Variants in HEXB observed in about 807,000 individuals in gnomAD.
HEXB encodes the protein hexosaminidase subunit beta.
HEXB carries 51 observed loss-of-function variants against 71.2 expected under a neutral mutation model. The observed-to-expected ratio is 0.72, with a 90% CI of 0.57 to 0.90. The LOEUF is 0.90. HEXB is among the 40% of genes least tolerant of loss of function. The pLI, the probability that HEXB is intolerant of heterozygous loss-of-function variation, is 0.00. For missense variants in HEXB, 617 were observed against 677.0 expected, an observed-to-expected ratio of 0.91 and a Z score of 0.98; for synonymous variants, 266 against 249.3, an observed-to-expected ratio of 1.07 and a Z score of -0.63.
chr5:74,663,451 A>G (rs1207052652), intron 1 of HEXB, among the ~76,000 whole-genome samples: 1 of 152,148 alleles, frequency 6.6e-6, no homozygotes, highest in African/African-American at 2.4e-5. Context: ...TCGGCCTCCC[A>G]AAGTGTTGGG....
At chr5:74,720,129 C>T in intron 11 of HEXB, 1 of 375,484 alleles carries the variant, frequency 2.7e-6, no homozygotes, top group South Asian at 2.9e-5. Flanking sequence ...GGTAAGTTTG[C>T]ATAAAACCAA....
intron 1 of HEXB, among the ~76,000 whole-genome samples, chr5:74,686,682 C>T (rs80049194): frequency 0.023 from 3,466 of 152,246 alleles, 138 homozygotes; most frequent in African/African-American, 0.079. Context: ...TATTATCAGT[C>T]TCTATTTTAG....
intron 3 of HEXB, among the ~76,000 whole-genome samples, chr5:74,694,163 AAAATAC>A (rs1749061276): frequency 6.6e-6 from 1 of 152,220 alleles, no homozygotes; most frequent in East Asian, 1.9e-4. Context: ...CTGTCTCAAA[AAAATAC>A]AAATAAATAA....
intron 13 of HEXB, 65 bp from the exon 14 acceptor site, chr5:74,721,046 CAATCTAA>C: frequency 8.3e-7 from 1 of 1,202,804 alleles, no homozygotes; most frequent in Non-Finnish European, 1.2e-6. Flanking sequence ...ACATGAATAT[CAATCTAA>C]AATATCTTTA....
intron 2 of HEXB, among the ~76,000 whole-genome samples, chr5:74,690,300 A>G (rs567589915): frequency 3.9e-5 from 6 of 152,308 alleles, no homozygotes; most frequent in East Asian, 1.9e-4. Context: ...GAAGGGCAGT[A>G]TAAGGACATG....
At chr5:74,695,330 A>C (rs954720310) in intron 3 of HEXB, among the ~76,000 whole-genome samples, 2 of 149,034 alleles carry the variant, frequency 1.3e-5, no homozygotes, top group African/African-American at 4.9e-5. Flanking sequence ...CAGCCTCCCG[A>C]GTAGCTGGTA....
chr5:74,710,370 C>T (rs1286467352), intron 6 of HEXB, among the ~76,000 whole-genome samples: 1 of 152,152 alleles, frequency 6.6e-6, no homozygotes, highest in Admixed American at 6.6e-5. Context: ...CCCTTTGAAA[C>T]CTGGCACAAG....
chr5:74,682,720 T>C (rs776358001), upstream of HEXB, among the ~76,000 whole-genome samples: 61 of 152,210 alleles, frequency 4.0e-4, no homozygotes, highest in Non-Finnish European at 8.1e-4. Flanking sequence ...ATATTGCAAA[T>C]TATATTTGTC....
intron 1 of HEXB, among the ~76,000 whole-genome samples, chr5:74,657,682 A>G (rs955825799): frequency 6.6e-6 from 1 of 152,238 alleles, no homozygotes; most frequent in Non-Finnish European, 1.5e-5. Context: ...TAGAAAGCTA[A>G]TAAACCCTTA....
chr5:74,720,610 T>C (rs768542810), intron 12 of HEXB, 33 bp from the exon 13 acceptor site: 1 of 1,603,708 alleles, frequency 6.2e-7, no homozygotes, highest in South Asian at 1.1e-5. Flanking sequence ...AAATTTAAAC[T>C]GCTTGCGGGG....
intron 1 of HEXB, among the ~76,000 whole-genome samples, chr5:74,656,629 G>A (rs1379461805): frequency 3.3e-5 from 5 of 152,156 alleles, no homozygotes; most frequent in Non-Finnish European, 7.4e-5. Flanking sequence ...TTTTGAGATG[G>A]AGTCTCCCTC....
chr5:74,692,610 G>A (rs1337170044), intron 2 of HEXB, among the ~76,000 whole-genome samples: 4 of 152,192 alleles, frequency 2.6e-5, no homozygotes, highest in Non-Finnish European at 4.4e-5. Context: ...TAATGGAAAA[G>A]GCTATCTTGT....
intron 1 of HEXB, among the ~76,000 whole-genome samples, chr5:74,676,133 T>C (rs1748626505): frequency 6.6e-6 from 1 of 152,246 alleles, no homozygotes; most frequent in Non-Finnish European, 1.5e-5. Context: ...TTGTTTTTTG[T>C]TTTGGACCTT....
chr5:74,643,757 G>A (rs548523860), intron 1 of HEXB, among the ~76,000 whole-genome samples: 20 of 152,224 alleles, frequency 1.3e-4, no homozygotes, highest in South Asian at 2.1e-4. Flanking sequence ...AACACGGTGC[G>A]ATCATGGTAC....
chr5:74,666,624 G>A (rs73115181), intron 1 of HEXB, among the ~76,000 whole-genome samples: 7,400 of 152,210 alleles, frequency 0.049, 629 homozygotes, highest in African/African-American at 0.17. Context: ...TGCCCACACT[G>A]CAGAGCAGCA....
rs1399801112 is a variant in HEXB at position 74,652,455 on chromosome 5, G to A, written c.-377+11897G>A. ...TTGCTTAATCAATGGTACGAAAATT[G>A]CAGCCGCTCCCATGTGTTGGGATGT... is the stretch of plus-strand genomic sequence containing the variant. On this transcript the variant is annotated intron_variant, in intron 1 of 13. Coordinates refer to the HEXB transcript ENST00000511181. This position sits in a 1 kb window ranked among gnomAD's most constrained non-coding sequence, Gnocchi z 5.4. Among the ~76,000 whole-genome samples the A allele has an allele frequency of 6.6e-6, 1 of 152,210 alleles. No homozygotes were observed. Among genetic ancestry groups the A allele is most frequent in the Non-Finnish European group, 1.5e-5 (1 of 68,042 alleles).
chr5:74,713,530 T>G lies in HEXB; in HGVS notation c.796T>G (p.Tyr266Asp), dbSNP rs373979283. ...GGGAAGCTATTCTTTGTCTCATGTT[T>G]ATACACCAAATGATGTCCGTATGGT... ...NKGSYSLSHV[Y>D]TPNDVRMVIE... The change falls in exon 7 of 14, where the codon TAT becomes GAT. Residue 266 changes from tyrosine to aspartate, a missense_variant. Coordinates refer to ENST00000261416, the MANE Select transcript of HEXB (RefSeq NM_000521.4). 53 of 1,611,290 alleles carry G rather than the reference T, an allele frequency of 3.3e-5. No individual in the cohort carries two copies. The highest frequency in any genetic ancestry group is 4.4e-5 in the Non-Finnish European group (52 of 1,177,478).
upstream of HEXB, chr5:74,685,151 T>C: frequency 1.6e-6 from 2 of 1,221,626 alleles, no homozygotes; most frequent in African/African-American, 3.2e-5. Context: ...CGCGCAGTCA[T>C]CTGACTCGGT....
chr5:74,661,038 G>T lies in HEXB; in HGVS notation c.-377+20480G>T, dbSNP rs1172648366. 2.0e-5 allele frequency among the ~76,000 whole-genome samples: 3 copies of T among 152,206 alleles called. No individual in the cohort carries two copies. The South Asian group carries it at 6.2e-4, about 31-fold the overall frequency. ...AGAGAGAGAGAGAGAGAGATAGAGA[G>T]AGAGAGAGAGTGGCCTTCACCCTTC... is the stretch of plus-strand genomic sequence containing the variant. On this transcript the variant is annotated intron_variant, in intron 1 of 13. Coordinates refer to the HEXB transcript ENST00000511181.
Sources: gnomAD v4.1 joint callset for allele counts (sites outside exome capture counted in the v4.1 genomes callset) on GRCh38, gnomAD v4.1.1 for gene constraint, Gnocchi (gnomAD v3.1) non-coding constraint, MANE v1.5 for transcripts, NCBI Gene and HGNC (gene_info 2026-07-23, HGNC 2026-07-21) for gene names.